ATP8B4: variants seen among roughly 807,000 people sequenced by gnomAD.
The protein encoded by ATP8B4 is probable phospholipid-transporting ATPase IM.
Under a neutral mutation model 145.6 loss-of-function variants are expected in ATP8B4, and 133 were observed. The observed-to-expected ratio is 0.91, with a 90% CI of 0.79 to 1.05. The LOEUF (loss-of-function observed/expected upper bound fraction) is 1.05, where lower values mean the gene tolerates loss of function less well. Ranked by LOEUF, ATP8B4 falls within the 50% of genes least tolerant of loss-of-function variation. ATP8B4 has a pLI of 0.00. For missense variants in ATP8B4, 1,458 were observed against 1,425.2 expected (o/e 1.02, Z -0.37); for synonymous variants, 507 against 492.9 (o/e 1.03, Z -0.38).
rs149689041 is a variant in ATP8B4 at position 50,002,871 on chromosome 15, T to C, written c.436-648A>G. Among the ~76,000 whole-genome samples, 14 of 152,290 alleles carry C rather than the reference T, an allele frequency of 9.2e-5. No individual in the cohort carries two copies. In the East Asian group the frequency reaches 2.3e-3, roughly 25 times the overall value. ...CTGAGTAGTTTGGATTTTTCAGAGA[T>C]AAACAGTTCTATTCTGATGTCCAAT... On this transcript the variant is annotated intron_variant, in intron 7 of 27. Transcript: ENST00000284509.
chr15:50,061,450 G>C (rs970264080), intron 3 of ATP8B4, among the ~76,000 whole-genome samples: 1 of 152,044 alleles, frequency 6.6e-6, no homozygotes. Flanking sequence ...GGCCCTGAAC[G>C]GTTTCAGGAA....
At chr15:49,938,642 G>A (rs1157428150) in intron 14 of ATP8B4, among the ~76,000 whole-genome samples, 3 of 152,012 alleles carry the variant, frequency 2.0e-5, no homozygotes, top group Non-Finnish European at 2.9e-5. Context: ...GACTTAGAGA[G>A]CCACACAATA....
At chr15:49,866,284 AATT>A in intron 26 of ATP8B4, 59 bp downstream of exon 26, 2 of 1,553,624 alleles carry the variant, frequency 1.3e-6, no homozygotes, top group Non-Finnish European at 1.7e-6. Flanking sequence ...ACAAAAAATA[AATT>A]ATAAGACAAG....
chr15:50,166,698 C>T (rs969738085), intron 1 of ATP8B4, among the ~76,000 whole-genome samples: 1 of 152,176 alleles, frequency 6.6e-6, no homozygotes, highest in Non-Finnish European at 1.5e-5. Context: ...GTCTGGGCTA[C>T]CAGATTTGTT....
At chr15:50,093,846 A>G (rs932207141) in intron 2 of ATP8B4, among the ~76,000 whole-genome samples, 10 of 152,168 alleles carry the variant, frequency 6.6e-5, no homozygotes, top group Non-Finnish European at 1.2e-4. Flanking sequence ...TATCATACTC[A>G]TATCAGATAA....
At chr15:49,933,422 C>T (rs1480273384) in intron 15 of ATP8B4, among the ~76,000 whole-genome samples, 1 of 152,076 alleles carries the variant, frequency 6.6e-6, no homozygotes, top group African/African-American at 2.4e-5. Context: ...ACCTGTCTCA[C>T]AGCTTCAAAA....
At chr15:50,121,933 G>C (rs2057274603), upstream of ATP8B4, among the ~76,000 whole-genome samples, 1 of 152,074 alleles carries the variant, frequency 6.6e-6, no homozygotes, top group Admixed American at 6.6e-5. Flanking sequence ...GAGCATTTGA[G>C]AGAAAAAAAG....
At chr15:50,049,051 A>G (rs1600075023) in intron 3 of ATP8B4, among the ~76,000 whole-genome samples, 1 of 152,202 alleles carries the variant, frequency 6.6e-6, no homozygotes, top group East Asian at 1.9e-4. Flanking sequence ...CCAGCATGAT[A>G]AAGCTCCCTG....
At chr15:49,947,447 A>AAG (rs1357641765) in intron 14 of ATP8B4, among the ~76,000 whole-genome samples, 1 of 151,466 alleles carries the variant, frequency 6.6e-6, no homozygotes, top group Non-Finnish European at 1.5e-5. Flanking sequence ...CAAAAAAAAA[A>AAG]AAAAAAAAGA....
At chr15:50,132,943 C>T (rs2044068342) in intron 1 of ATP8B4, among the ~76,000 whole-genome samples, 1 of 151,466 alleles carries the variant, frequency 6.6e-6, no homozygotes, top group Non-Finnish European at 1.5e-5. Flanking sequence ...GGGAACATCA[C>T]ACACCAGGGC....
chr15:49,941,109 G>A (rs1227783959), intron 14 of ATP8B4, among the ~76,000 whole-genome samples: 1 of 152,092 alleles, frequency 6.6e-6, no homozygotes, highest in East Asian at 1.9e-4. Context: ...TTATAGGGGA[G>A]GGGTAATAAA....
chr15:50,136,888 T>C (rs2044130418), intron 1 of ATP8B4, among the ~76,000 whole-genome samples: 1 of 152,196 alleles, frequency 6.6e-6, no homozygotes, highest in Non-Finnish European at 1.5e-5. Context: ...TCCAATAAAA[T>C]AATGTGCTGA....
intron 23 of ATP8B4, among the ~76,000 whole-genome samples, chr15:49,892,997 A>C (rs1344658965): frequency 6.6e-6 from 1 of 152,208 alleles, no homozygotes; most frequent in Admixed American, 6.5e-5. Context: ...GAATTCAAAA[A>C]ATCTTTGGAA....
chr15:50,086,564 ATATT>A (rs1474322890), intron 2 of ATP8B4, among the ~76,000 whole-genome samples: 9 of 107,496 alleles, frequency 8.4e-5, no homozygotes, highest in East Asian at 2.8e-4. Context: ...ATAGAGATCT[ATATT>A]TATTATATAT....
chr15:50,051,728 A>G (rs1252947226), intron 3 of ATP8B4, among the ~76,000 whole-genome samples: 3 of 152,358 alleles, frequency 2.0e-5, no homozygotes, highest in Non-Finnish European at 4.4e-5. Context: ...TTCTAACTTA[A>G]AGCTAAAATA....
intron 20 of ATP8B4, 84 bp from the exon 21 acceptor site, chr15:49,901,323 A>G (rs561322828): frequency 5.3e-4 from 739 of 1,392,532 alleles, no homozygotes; most frequent in Non-Finnish European, 6.9e-4. Flanking sequence ...GCCTAGAGGT[A>G]AATTTATTTC....
intron 6 of ATP8B4, among the ~76,000 whole-genome samples, chr15:50,021,273 C>T (rs62021042): frequency 0.027 from 4,148 of 152,296 alleles, 96 homozygotes; most frequent in Non-Finnish European, 0.037. Context: ...CGTCATTCTG[C>T]TCTTGTCTCT....
At position 49,908,272 on chromosome 15, in the gene ATP8B4, C is replaced by T. The variant is rs542251116; in HGVS notation, c.2142-7033G>A. ...AATGAGAGTGGTCCTTCAAGATGTA[C>T]GACTAAAGGCATCTGGCAGTTGCCT... On this transcript the variant is annotated intron_variant, in intron 20 of 27. Transcript: ENST00000284509. 3.3e-5 allele frequency among the ~76,000 whole-genome samples: 5 copies of T among 152,284 alleles called. No homozygotes were observed. The South Asian group carries it at 6.2e-4, about 19-fold the overall frequency.
At chr15:49,925,943 C>G (rs1479145197) in intron 16 of ATP8B4, among the ~76,000 whole-genome samples, 1 of 152,088 alleles carries the variant, frequency 6.6e-6, no homozygotes, top group Non-Finnish European at 1.5e-5. Flanking sequence ...TAACATATGG[C>G]CAGAACTTGG....
Sources: allele counts gnomAD v4.1 joint callset (sites outside exome capture counted in the v4.1 genomes callset), GRCh38; gene constraint gnomAD v4.1.1; transcripts MANE v1.5; gene names NCBI Gene and HGNC (gene_info 2026-07-23, HGNC 2026-07-21).